ST18: variants seen among roughly 807,000 people sequenced by gnomAD.
ST18 encodes the protein ST18 C2H2C-type zinc finger transcription factor.
In ST18, 50 loss-of-function variants were observed where a neutral mutation model predicts 110.0. The ratio of observed to expected loss-of-function variants is 0.45; its 90% CI spans 0.36 to 0.58. ST18 has a LOEUF of 0.58. Ranked by LOEUF, ST18 falls within the 20% of genes least tolerant of loss-of-function variation. The probability of loss-of-function intolerance (pLI) is 0.00; values close to 1 mark genes in which losing one functional copy is unlikely to be tolerated. For missense variants in ST18, 1,306 were observed against 1,280.1 expected (o/e 1.02, Z -0.31); for synonymous variants, 461 against 452.4 (o/e 1.02, Z -0.24).
chr8:52,373,570 C>A (rs1831025983), intron 2 of ST18, among the ~76,000 whole-genome samples: 1 of 151,972 alleles, frequency 6.6e-6, no homozygotes, highest in African/African-American at 2.4e-5. Flanking sequence ...CAATTTCCTG[C>A]ATCCCACTAC....
Position 52,145,668 on chromosome 8 carries a change from A to G in ST18, c.2053-2623T>C, listed in dbSNP as rs2056995667. ...TAATTTTATTTTGTGGTTGTGTAAA[A>G]GAGGATGTGGTATATATGTGTGTGT... On this transcript the variant is annotated intron_variant, in intron 16 of 25. Coordinates refer to ENST00000689386, the MANE Select transcript of ST18 (RefSeq NM_001352837.2). 2.6e-5 allele frequency among the ~76,000 whole-genome samples: 4 copies of G among 152,166 alleles called. No homozygotes were observed. In the South Asian group the frequency reaches 8.3e-4, roughly 31 times the overall value.
chr8:52,271,310 T>C (rs971164808), intron 2 of ST18, among the ~76,000 whole-genome samples: 2 of 152,254 alleles, frequency 1.3e-5, no homozygotes, highest in Admixed American at 6.5e-5. Context: ...GTGGTACCAA[T>C]GCACACTGCC....
chr8:52,371,063 C>A (rs948539089), intron 2 of ST18, among the ~76,000 whole-genome samples: 3 of 152,126 alleles, frequency 2.0e-5, no homozygotes, highest in Non-Finnish European at 1.5e-5. Context: ...CTCATGAATC[C>A]TCAAAATAAT....
intron 2 of ST18, among the ~76,000 whole-genome samples, chr8:52,246,078 C>T (rs1326290704): frequency 6.6e-6 from 1 of 151,962 alleles, no homozygotes; most frequent in Non-Finnish European, 1.5e-5. Flanking sequence ...TAACATTTGA[C>T]AACACTATAT....
At chr8:52,246,989 T>G (rs1291272690) in intron 2 of ST18, among the ~76,000 whole-genome samples, 3 of 151,970 alleles carry the variant, frequency 2.0e-5, no homozygotes, top group African/African-American at 7.3e-5. Context: ...AAAAAGGGAG[T>G]ACTGTAGATT....
At chr8:52,272,671 AG>A (rs1348436191) in intron 2 of ST18, among the ~76,000 whole-genome samples, 3 of 152,212 alleles carry the variant, frequency 2.0e-5, no homozygotes, top group Non-Finnish European at 4.4e-5. Flanking sequence ...GTGGTTCCTC[AG>A]GAAAATTAAG....
intron 25 of ST18, among the ~76,000 whole-genome samples, chr8:52,115,390 C>T (rs2042162531): frequency 1.3e-5 from 2 of 152,222 alleles, no homozygotes; most frequent in South Asian, 4.1e-4. Flanking sequence ...ATTCCAAATA[C>T]AGTCATGCAA....
chr8:52,399,254 T>C (rs1842137340), intron 2 of ST18, among the ~76,000 whole-genome samples: 1 of 152,064 alleles, frequency 6.6e-6, no homozygotes, highest in Non-Finnish European at 1.5e-5. Flanking sequence ...CTTATGATCC[T>C]TTTTATTTCT....
At chr8:52,312,501 G>T (rs891137254) in intron 2 of ST18, among the ~76,000 whole-genome samples, 1 of 152,218 alleles carries the variant, frequency 6.6e-6, no homozygotes, top group South Asian at 2.1e-4. Context: ...ATGCAGCATG[G>T]TGTTCCCTAT....
chr8:52,185,396 A>G (rs2071648579), intron 8 of ST18, among the ~76,000 whole-genome samples: 2 of 152,172 alleles, frequency 1.3e-5, no homozygotes, highest in Admixed American at 6.5e-5. Context: ...CCTCCAGAGG[A>G]TATTTCTTAG....
At chr8:52,178,568 G>C (rs960170264) in intron 9 of ST18, among the ~76,000 whole-genome samples, 5 of 118,582 alleles carry the variant, frequency 4.2e-5, no homozygotes, top group African/African-American at 1.6e-4. Context: ...AGTGAGCTGA[G>C]ATCCCACCAT....
chr8:52,299,912 C>A (rs1380418337), intron 2 of ST18, among the ~76,000 whole-genome samples: 1 of 152,234 alleles, frequency 6.6e-6, no homozygotes, highest in East Asian at 1.9e-4. Context: ...GGTCCTGGCT[C>A]TGCTCTGGGG....
intron 21 of ST18, 147 bp downstream of exon 21, chr8:52,132,910 A>T (rs1586597296): frequency 1.1e-6 from 1 of 888,920 alleles, no homozygotes; most frequent in East Asian, 2.5e-5. Flanking sequence ...CTTTTCTCAA[A>T]CCACCAAATA....
intron 2 of ST18, among the ~76,000 whole-genome samples, chr8:52,377,000 G>A (rs928589760): frequency 6.6e-6 from 1 of 152,006 alleles, no homozygotes; most frequent in Admixed American, 6.6e-5. Context: ...GTCTCTCTAG[G>A]GTTAACACTG....
chr8:52,167,264 G>A (rs1214138715), intron 10 of ST18, among the ~76,000 whole-genome samples: 1 of 152,184 alleles, frequency 6.6e-6, no homozygotes, highest in Non-Finnish European at 1.5e-5. Context: ...TGTAGTTAGA[G>A]CCTCATTATG....
intron 2 of ST18, among the ~76,000 whole-genome samples, chr8:52,290,396 G>C (rs1230059621): frequency 1.3e-5 from 2 of 152,212 alleles, no homozygotes; most frequent in Non-Finnish European, 2.9e-5. Context: ...AGGTGAAGAT[G>C]CTTAATGAGT....
At position 52,189,466 on chromosome 8, in the gene ST18, A is replaced by G. The variant is rs571262703; in HGVS notation, c.87-9154T>C. The stretch of plus-strand genomic sequence containing the variant: ...GAGAAGTGGACATTCTAGGATAGAT[A>G]CCTTCCATAGGCCAGGAAACCCATC... On this transcript the variant is annotated intron_variant, in intron 8 of 25. Transcript: ENST00000689386. 4.6e-5 allele frequency among the ~76,000 whole-genome samples: 7 copies of G among 152,312 alleles called. 1 individual carries two copies. In the South Asian group the frequency reaches 1.0e-3, roughly 23 times the overall value.
At chr8:52,130,863 T>C (rs75227582) in intron 22 of ST18, among the ~76,000 whole-genome samples, 227 of 152,312 alleles carry the variant, frequency 1.5e-3, no homozygotes, top group African/African-American at 4.9e-3. Flanking sequence ...CTGAGGTCAT[T>C]ACAAGGAATT....
At chr8:52,159,203 A>C in intron 14 of ST18, 94 bp from the exon 15 acceptor site, 1 of 1,183,716 alleles carries the variant, frequency 8.4e-7, no homozygotes, top group Non-Finnish European at 1.2e-6. Context: ...CTTGCATTAA[A>C]ATATGTGAAG....
Sources: gnomAD v4.1 joint callset for allele counts (sites outside exome capture counted in the v4.1 genomes callset) on GRCh38, gnomAD v4.1.1 for gene constraint, MANE v1.5 for transcripts, NCBI Gene and HGNC (gene_info 2026-07-23, HGNC 2026-07-21) for gene names.